Variants in CNTNAP2 observed in about 807,000 individuals in gnomAD.
CNTNAP2 encodes the protein contactin-associated protein-like 2.
Under a neutral mutation model 155.2 loss-of-function variants are expected in CNTNAP2, and 98 were observed. The observed-to-expected ratio is 0.63, with a 90% CI of 0.54 to 0.75. CNTNAP2 has a LOEUF of 0.75. CNTNAP2 is among the 30% of genes least tolerant of loss of function. The pLI, the probability that CNTNAP2 is intolerant of heterozygous loss-of-function variation, is 0.00. For missense variants in CNTNAP2, 1,727 were observed against 1,688.1 expected (o/e 1.02, Z -0.40); for synonymous variants, 651 against 631.2 (o/e 1.03, Z -0.47).
At chr7:146,584,056 A>T (rs1798651115) in intron 1 of CNTNAP2, among the ~76,000 whole-genome samples, 1 of 152,168 alleles carries the variant, frequency 6.6e-6, no homozygotes, top group Non-Finnish European at 1.5e-5. Context: ...CCAAGTTTTC[A>T]TATCTATTTC....
chr7:147,380,119 G>T (rs973405878), intron 9 of CNTNAP2, among the ~76,000 whole-genome samples: 1 of 151,984 alleles, frequency 6.6e-6, no homozygotes, highest in Admixed American at 6.6e-5. Flanking sequence ...TGACATTACA[G>T]AATGTTAAGT....
intron 16 of CNTNAP2, among the ~76,000 whole-genome samples, chr7:148,119,159 CA>C (rs1804543685): frequency 1.3e-5 from 2 of 152,056 alleles, no homozygotes; most frequent in African/African-American, 4.8e-5. Flanking sequence ...GGAGATCAAC[CA>C]CAAGGACGAG....
intron 13 of CNTNAP2, among the ~76,000 whole-genome samples, chr7:147,839,027 G>A (rs1404090753): frequency 1.3e-5 from 2 of 152,162 alleles, no homozygotes; most frequent in African/African-American, 2.4e-5. Flanking sequence ...GGGCAAGGAA[G>A]CAAGTCCAAG....
intron 8 of CNTNAP2, among the ~76,000 whole-genome samples, chr7:147,205,832 A>G (rs947453656): frequency 2.0e-5 from 3 of 152,212 alleles, no homozygotes; most frequent in African/African-American, 2.4e-5. Context: ...TGGTAGCACA[A>G]TAGGTTGACT....
intron 13 of CNTNAP2, among the ~76,000 whole-genome samples, chr7:147,692,901 AAAAAGCCATTCTGACACCAT>A (rs1365742566): frequency 6.6e-6 from 1 of 152,064 alleles, no homozygotes; most frequent in African/African-American, 2.4e-5. Flanking sequence ...TGTTGTATCT[AAAAAGCCATTCTGACACCAT>A]AGGTCGTCTA....
intron 13 of CNTNAP2, among the ~76,000 whole-genome samples, chr7:147,823,461 G>T (rs1345410121): frequency 2.6e-5 from 4 of 152,114 alleles, no homozygotes; most frequent in Non-Finnish European, 5.9e-5. Context: ...ATATCAGCAC[G>T]TTGAATTGAA....
At chr7:148,290,015 G>A (rs904601126) in intron 21 of CNTNAP2, among the ~76,000 whole-genome samples, 1 of 152,148 alleles carries the variant, frequency 6.6e-6, no homozygotes, top group African/African-American at 2.4e-5. Flanking sequence ...TGTAGCACAT[G>A]TTCAAATCAG....
intron 1 of CNTNAP2, among the ~76,000 whole-genome samples, chr7:146,209,981 G>T (rs187423133): frequency 1.4e-3 from 207 of 152,206 alleles, no homozygotes; most frequent in African/African-American, 4.8e-3. Flanking sequence ...TGGCTGCTGT[G>T]TGCTCCCCTA....
At chr7:146,269,817 A>G (rs1416104619) in intron 1 of CNTNAP2, among the ~76,000 whole-genome samples, 3 of 152,190 alleles carry the variant, frequency 2.0e-5, no homozygotes, top group African/African-American at 7.2e-5. Context: ...GGCATGGCCA[A>G]TTGGCTTCAT....
intron 13 of CNTNAP2, among the ~76,000 whole-genome samples, chr7:147,807,806 C>T (rs1254621784): frequency 6.6e-6 from 1 of 152,052 alleles, no homozygotes; most frequent in Non-Finnish European, 1.5e-5. Flanking sequence ...ATGTGAGCGT[C>T]AGGACAGTTT....
At chr7:148,041,611 G>A (rs1229574228) in intron 15 of CNTNAP2, among the ~76,000 whole-genome samples, 3 of 152,148 alleles carry the variant, frequency 2.0e-5, no homozygotes, top group African/African-American at 7.2e-5. Flanking sequence ...TTTCTTCTTT[G>A]TATCACATTA....
At chr7:146,513,436 A>C (rs1447599336) in intron 1 of CNTNAP2, among the ~76,000 whole-genome samples, 1 of 151,696 alleles carries the variant, frequency 6.6e-6, no homozygotes, top group Non-Finnish European at 1.5e-5. Context: ...GTATGTTTTG[A>C]TTCCTTGCTT....
At chr7:148,286,535 A>G (rs1316853721) in intron 21 of CNTNAP2, among the ~76,000 whole-genome samples, 1 of 152,234 alleles carries the variant, frequency 6.6e-6, no homozygotes, top group African/African-American at 2.4e-5. Context: ...TATTTTTTAA[A>G]ACACTGTAAG....
At chr7:147,721,392 C>A (rs1341917594) in intron 13 of CNTNAP2, among the ~76,000 whole-genome samples, 2 of 152,018 alleles carry the variant, frequency 1.3e-5, no homozygotes, top group African/African-American at 4.8e-5. Context: ...TAACTTTAGT[C>A]TCAAGTAAAC....
At chr7:147,406,856 A>G (rs1797012812) in intron 10 of CNTNAP2, among the ~76,000 whole-genome samples, 1 of 152,236 alleles carries the variant, frequency 6.6e-6, no homozygotes, top group African/African-American at 2.4e-5. Context: ...TGATTTAAAT[A>G]GACCATTATC....
chr7:147,790,182 A>T (rs74927713), intron 13 of CNTNAP2, among the ~76,000 whole-genome samples: 23,749 of 152,132 alleles, frequency 0.16, 2,038 homozygotes, highest in Middle Eastern at 0.27. Flanking sequence ...ACCTACTAGG[A>T]AGAGCCTTCC....
intron 9 of CNTNAP2, among the ~76,000 whole-genome samples, chr7:147,363,887 G>A (rs1422203163): frequency 6.6e-6 from 1 of 152,102 alleles, no homozygotes; most frequent in Non-Finnish European, 1.5e-5. Context: ...TCATGACATT[G>A]AAATTATATA....
chr7:146,617,432 T>C (rs1265095590), intron 1 of CNTNAP2, among the ~76,000 whole-genome samples: 2 of 152,224 alleles, frequency 1.3e-5, no homozygotes, highest in African/African-American at 4.8e-5. Context: ...TTTTAAGAAA[T>C]GCTGAATTGT....
In CNTNAP2 at chr7:147,924,364, C is replaced by G. The variant is rs569610456; in HGVS notation, c.2255+20643C>G. 2.6e-5 allele frequency among the ~76,000 whole-genome samples: 4 copies of G among 152,138 alleles called. 1 individual carries two copies. The highest frequency in any genetic ancestry group is 4.2e-4 in the South Asian group (2 of 4,808). On this transcript the variant is annotated intron_variant, in intron 14 of 23. Transcript: ENST00000361727. ...ATGTTGGTCAGGCTGGTCTCGAACTCCTGACCTCAGGTGATTCGCCTGCCT... is the reference window on the plus strand; with the variant it reads ...ATGTTGGTCAGGCTGGTCTCGAACTGCTGACCTCAGGTGATTCGCCTGCCT...
Sources: gnomAD v4.1 joint callset for allele counts (sites outside exome capture counted in the v4.1 genomes callset) on GRCh38, gnomAD v4.1.1 for gene constraint, MANE v1.5 for transcripts, NCBI Gene and HGNC (gene_info 2026-07-23, HGNC 2026-07-21) for gene names.